Variants in STON1 observed in about 807,000 individuals in gnomAD.
STON1 encodes the protein stonin-1.
STON1 carries 79 observed loss-of-function variants against 60.9 expected under a neutral mutation model. That is an observed-to-expected ratio of 1.30 (90% CI 1.08 to 1.56). STON1 has a LOEUF of 1.56. STON1 is among the 40% of genes most tolerant of loss of function. STON1 has a pLI of 0.00. For synonymous variants in STON1, 363 were observed against 306.9 expected (o/e 1.18, Z -1.91); for missense variants, 1,166 against 858.9 (o/e 1.36, Z -4.47).
At chr2:48,539,690 C>T (rs556817528) in intron 1 of STON1, among the ~76,000 whole-genome samples, 1 of 152,124 alleles carries the variant, frequency 6.6e-6, no homozygotes, top group East Asian at 1.9e-4. Flanking sequence ...TTAGTAGAAA[C>T]TAAAGTTCCT....
chr2:48,569,087 G>T (rs1170144220), intron 1 of STON1: 1 of 152,138 alleles, frequency 6.6e-6, no homozygotes, highest in East Asian at 1.9e-4. Context: ...GCAACTTTAG[G>T]CAAGTAGCTT....
chr2:48,573,137 G>A (rs756708747), intron 1 of STON1, among the ~76,000 whole-genome samples: 1 of 152,192 alleles, frequency 6.6e-6, no homozygotes, highest in African/African-American at 2.4e-5. Flanking sequence ...GGGCTGGAGG[G>A]AGAAAAATAG....
At chr2:48,532,751 C>A (rs907497695) in intron 1 of STON1, among the ~76,000 whole-genome samples, 1 of 152,098 alleles carries the variant, frequency 6.6e-6, no homozygotes, top group African/African-American at 2.4e-5. Flanking sequence ...GGGGCCTGGA[C>A]CTAAGGAGCA....
chr2:48,534,135 TCGAGAA>T (rs1204446280), intron 1 of STON1, among the ~76,000 whole-genome samples: 2 of 152,156 alleles, frequency 1.3e-5, no homozygotes, highest in African/African-American at 4.8e-5. Flanking sequence ...TGAAAATACA[TCGAGAA>T]AATACTGGAA....
At chr2:48,557,178 C>T (rs1428024560) in intron 1 of STON1, among the ~76,000 whole-genome samples, 5 of 85,312 alleles carry the variant, frequency 5.9e-5, no homozygotes, top group Non-Finnish European at 9.7e-5. Flanking sequence ...ACTTCTCAGA[C>T]GGGGCAGCTG....
chr2:48,588,642 C>G (rs1253357060), intron 2 of STON1, among the ~76,000 whole-genome samples: 5 of 152,196 alleles, frequency 3.3e-5, no homozygotes, highest in Non-Finnish European at 1.5e-5. Flanking sequence ...AAGCTACCTA[C>G]CGCACCTGGC....
intron 1 of STON1, among the ~76,000 whole-genome samples, chr2:48,577,305 G>C (rs746719089): frequency 2.0e-5 from 3 of 151,770 alleles, no homozygotes; most frequent in African/African-American, 7.3e-5. Flanking sequence ...AGTTTTCACC[G>C]GGCGCGGTGG....
intron 1 of STON1, among the ~76,000 whole-genome samples, chr2:48,574,097 C>T (rs1673350641): frequency 6.6e-6 from 1 of 151,800 alleles, no homozygotes; most frequent in Non-Finnish European, 1.5e-5. Context: ...GGAATTTGGC[C>T]AGGTGCAGTG....
At chr2:48,538,621 CAG>C (rs1177275834) in intron 1 of STON1, among the ~76,000 whole-genome samples, 1 of 151,774 alleles carries the variant, frequency 6.6e-6, no homozygotes, top group Non-Finnish European at 1.5e-5. Flanking sequence ...TTATTTAAGA[CAG>C]AGTCTCACTC....
chr2:48,541,660 T>C (rs1406435409), intron 1 of STON1, among the ~76,000 whole-genome samples: 2 of 135,008 alleles, frequency 1.5e-5, no homozygotes, highest in South Asian at 2.3e-4. Flanking sequence ...GATTGCACCA[T>C]TGCACTCCAT....
intron 1 of STON1, among the ~76,000 whole-genome samples, chr2:48,579,100 C>G (rs1409511406): frequency 6.6e-6 from 1 of 151,498 alleles, no homozygotes; most frequent in Non-Finnish European, 1.5e-5. Context: ...GCCTCCCGGG[C>G]TCAAGCGATT....
chr2:48,536,038 GA>G (rs1671413328), intron 1 of STON1, among the ~76,000 whole-genome samples: 1 of 152,096 alleles, frequency 6.6e-6, no homozygotes, highest in Non-Finnish European at 1.5e-5. Context: ...AATGAGCTGA[GA>G]TCAGGCCACT....
chr2:48,542,198 A>G (rs963214997), intron 1 of STON1, among the ~76,000 whole-genome samples: 2 of 152,238 alleles, frequency 1.3e-5, no homozygotes, highest in Non-Finnish European at 2.9e-5. Flanking sequence ...GTTGATCCAT[A>G]TCAGTGGAGC....
chr2:48,575,584 C>T (rs193155482), intron 1 of STON1, among the ~76,000 whole-genome samples: 9,979 of 151,712 alleles, frequency 0.066, 465 homozygotes, highest in Non-Finnish European at 0.1. Context: ...ACCCGGGAGG[C>T]AGAGGTTGCG....
At chr2:48,539,639 C>G (rs1671578445) in intron 1 of STON1, among the ~76,000 whole-genome samples, 1 of 151,972 alleles carries the variant, frequency 6.6e-6, no homozygotes, top group Non-Finnish European at 1.5e-5. Flanking sequence ...GTAGCTGGGA[C>G]TACAGGGGCA....
chr2:48,575,634 C>G (rs927984784), intron 1 of STON1, among the ~76,000 whole-genome samples: 5 of 149,590 alleles, frequency 3.3e-5, no homozygotes, highest in Non-Finnish European at 7.4e-5. Context: ...GCCTGGGCAA[C>G]AAGAGCAAAA....
chr2:48,570,532 C>T (rs1673149732), intron 1 of STON1, among the ~76,000 whole-genome samples: 1 of 152,004 alleles, frequency 6.6e-6, no homozygotes, highest in African/African-American at 2.4e-5. Flanking sequence ...TGGGTACATC[C>T]AAGAGCACGT....
At position 48,566,916 on chromosome 2, in the gene STON1, C is replaced by G. The variant is rs1032303974; in HGVS notation, c.-47-13671C>G. ...ACAGGCTGAAGTTGAAAGGCCTATTCAAGAAGCAGACTCTGAGCCTGGCTA... is the reference window on the plus strand; with the variant it reads ...ACAGGCTGAAGTTGAAAGGCCTATTGAAGAAGCAGACTCTGAGCCTGGCTA... On this transcript the variant is annotated intron_variant, in intron 1 of 3. Transcript: ENST00000404752. Among the ~76,000 whole-genome samples, 13 of 151,980 alleles carry G rather than the reference C, an allele frequency of 8.6e-5. 1 individual carries two copies. Among genetic ancestry groups the G allele is most frequent in the African/African-American group, 3.1e-4 (13 of 41,366 alleles).
At chr2:48,564,472 T>C (rs1558604557) in intron 1 of STON1, among the ~76,000 whole-genome samples, 41 of 53,136 alleles carry the variant, frequency 7.7e-4, no homozygotes, top group South Asian at 2.5e-3. Flanking sequence ...TTCTTCTTCT[T>C]CTTCTTCTTT....
Sources: allele counts gnomAD v4.1 joint callset (sites outside exome capture counted in the v4.1 genomes callset), GRCh38; gene constraint gnomAD v4.1.1; transcripts MANE v1.5; gene names NCBI Gene and HGNC (gene_info 2026-07-23, HGNC 2026-07-21).